DNAI2: variants seen among roughly 807,000 people sequenced by gnomAD.
DNAI2 encodes dynein axonemal intermediate chain 2.
DNAI2 carries 63 observed loss-of-function variants against 74.7 expected under a neutral mutation model. The observed-to-expected ratio is 0.84, with a 90% confidence interval of 0.69 to 1.04. The LOEUF is 1.04. Ranked by LOEUF, DNAI2 falls within the 50% of genes least tolerant of loss-of-function variation. The pLI is 0.00. For synonymous variants in DNAI2, 289 were observed against 314.9 expected, an observed-to-expected ratio of 0.92 and a Z score of 0.87; for missense variants, 688 against 803.2, an observed-to-expected ratio of 0.86 and a Z score of 1.73.
intron 6 of DNAI2, among the ~76,000 whole-genome samples, chr17:74,292,155 A>G (rs1290805493): frequency 6.6e-6 from 1 of 152,182 alleles, no homozygotes; most frequent in African/African-American, 2.4e-5. Flanking sequence ...GTGAGCCACC[A>G]TGCCTGGCCG....
rs533158427 is a variant in DNAI2, at chr17:74,279,800, A to T, written c.-11-2007A>T. Among the ~76,000 whole-genome samples the T allele has an allele frequency of 4.3e-3, 654 of 152,306 alleles. 2 individuals carry two copies. The highest frequency in any genetic ancestry group is 0.015 in the African/African-American group (607 of 41,554). On this transcript the variant is annotated intron_variant, in intron 1 of 13. Transcript: ENST00000311014. ...GGCCTCGGCCACCCAAAGTGCTGGGATTATAGGCATGAGCCACAATGCCCG... is the reference window on the plus strand; with the variant it reads ...GGCCTCGGCCACCCAAAGTGCTGGGTTTATAGGCATGAGCCACAATGCCCG...
intron 6 of DNAI2, among the ~76,000 whole-genome samples, chr17:74,295,714 A>G (rs981576206): frequency 1.3e-5 from 2 of 152,122 alleles, no homozygotes; most frequent in East Asian, 3.8e-4. Flanking sequence ...TCAGATTGAC[A>G]TACCTCCCAG....
chr17:74,282,127 T>A, intron 2 of DNAI2, 127 bp downstream of exon 2: 1 of 1,109,358 alleles, frequency 9.0e-7, no homozygotes, highest in Non-Finnish European at 1.3e-6. Context: ...CAAATGCAGA[T>A]GCTGGAAGTG....
chr17:74,287,538 G>A (rs368886602), intron 4 of DNAI2, among the ~76,000 whole-genome samples: 18 of 152,326 alleles, frequency 1.2e-4, no homozygotes, highest in Non-Finnish European at 2.1e-4. Context: ...CACCGCAGGC[G>A]TGGATATTCA....
chr17:74,303,877 G>T (rs553351066), intron 8 of DNAI2, among the ~76,000 whole-genome samples: 1 of 152,222 alleles, frequency 6.6e-6, no homozygotes, highest in Non-Finnish European at 1.5e-5. Context: ...TGTAATCCCA[G>T]CACTTTGGGA....
At chr17:74,285,592 CA>C (rs34628493) in intron 3 of DNAI2, among the ~76,000 whole-genome samples, 69,051 of 140,574 alleles carry the variant, frequency 0.49, 16,507 homozygotes, top group Non-Finnish European at 0.59. Context: ...CTTGCCAGTG[CA>C]AAAAAAAAAA....
At chr17:74,282,974 T>A (rs2051482202) in intron 2 of DNAI2, among the ~76,000 whole-genome samples, 1 of 152,234 alleles carries the variant, frequency 6.6e-6, no homozygotes, top group Non-Finnish European at 1.5e-5. Flanking sequence ...GTGTAGCCAA[T>A]AAGCAGAATG....
At chr17:74,296,316 A>AGAGAGAGAGAGAGAGAGAGAGAG (rs1357716786) in intron 6 of DNAI2, among the ~76,000 whole-genome samples, 35 of 97,714 alleles carry the variant, frequency 3.6e-4, no homozygotes, top group Non-Finnish European at 7.3e-4. Context: ...CTTTAAAGAG[A>AGAGAGAGAGAGAGAGAGAGAGAG]GAGAGAGAGA....
At position 74,305,435 on chromosome 17, in the gene DNAI2, T is replaced by A; in HGVS notation, c.1204T>A (p.Trp402Arg). The change falls in exon 9 of 14, where the codon TGG becomes AGG. Residue 402 changes from tryptophan to arginine, a missense_variant. Coordinates refer to ENST00000311014, the MANE Select transcript of DNAI2 (RefSeq NM_023036.6). ...AGACAGCCGGGAATCGTCCATCATG[T>A]GGACCAAGTAAGAGGCGATGCTGGG... ...SEDSRESSIM[W>R]TKYHMAYLTD... The A allele has an allele frequency of 6.2e-7, 1 of 1,613,946 alleles. No individual in the cohort carries two copies. Among genetic ancestry groups the A allele is most frequent in the East Asian group, 2.2e-5 (1 of 44,856 alleles).
intron 9 of DNAI2, among the ~76,000 whole-genome samples, chr17:74,309,004 A>G (rs1027169664): frequency 1.3e-5 from 2 of 148,186 alleles, no homozygotes; most frequent in Non-Finnish European, 3.0e-5. Flanking sequence ...CAGAGATTGC[A>G]GTGAGCCGAC....
At chr17:74,309,162 G>A in intron 9 of DNAI2, 91 bp from the exon 10 acceptor site, 2 of 1,448,228 alleles carry the variant, frequency 1.4e-6, no homozygotes, top group Non-Finnish European at 1.9e-6. Flanking sequence ...GCAAGACTCT[G>A]AGATCCTGGA....
At chr17:74,304,956 A>G (rs538077256) in intron 8 of DNAI2, among the ~76,000 whole-genome samples, 144 of 152,258 alleles carry the variant, frequency 9.5e-4, no homozygotes, top group African/African-American at 3.2e-3. Flanking sequence ...GGGGCTAGTG[A>G]CCTGACAACC....
intron 8 of DNAI2, among the ~76,000 whole-genome samples, chr17:74,301,894 G>A (rs866939978): frequency 8.0e-4 from 27 of 33,674 alleles, no homozygotes; most frequent in Non-Finnish European, 1.4e-3. Flanking sequence ...AAGGAAGGAA[G>A]GAAGGAAGGA....
intron 3 of DNAI2, among the ~76,000 whole-genome samples, chr17:74,286,443 C>T (rs959314454): frequency 2.0e-5 from 3 of 151,920 alleles, no homozygotes; most frequent in Non-Finnish European, 4.4e-5. Flanking sequence ...GTTGTTGAGA[C>T]AGAGTCTCAT....
chr17:74,305,937 G>A (rs767546069), intron 9 of DNAI2, among the ~76,000 whole-genome samples: 7 of 152,150 alleles, frequency 4.6e-5, no homozygotes, highest in South Asian at 2.1e-4. Flanking sequence ...CTCCCAAAGC[G>A]TTGGGATTAC....
At chr17:74,313,543 A>G (rs2053653989) in intron 12 of DNAI2, among the ~76,000 whole-genome samples, 1 of 152,160 alleles carries the variant, frequency 6.6e-6, no homozygotes, top group Non-Finnish European at 1.5e-5. Context: ...GGTGGCTGGT[A>G]GGCACCATGC....
chr17:74,314,309 G>A lies in DNAI2; in HGVS notation c.*55+38G>A, dbSNP rs922224868. The A allele has an allele frequency of 3.1e-5, 50 of 1,600,508 alleles. No homozygotes were observed. In the South Asian group the frequency reaches 3.5e-4, roughly 11 times the overall value. On this transcript the variant is annotated intron_variant, in intron 13 of 13. Coordinates refer to ENST00000311014, the MANE Select transcript of DNAI2 (RefSeq NM_023036.6). ...TCTCACAAGTGGGAGGCTGAGCTCCGCCTTAAAGCAGCACTGGGTGGTGGG... is the reference window on the plus strand; with the variant it reads ...TCTCACAAGTGGGAGGCTGAGCTCCACCTTAAAGCAGCACTGGGTGGTGGG...
chr17:74,305,047 G>C (rs8067840), intron 8 of DNAI2, among the ~76,000 whole-genome samples, 172 bp from the exon 9 acceptor site: 2 of 152,096 alleles, frequency 1.3e-5, no homozygotes, highest in Non-Finnish European at 2.9e-5. Context: ...GGTCTGAGGA[G>C]CCCGGGAAGA....
chr17:74,302,330 G>A (rs1465111834), intron 8 of DNAI2, among the ~76,000 whole-genome samples: 1 of 152,210 alleles, frequency 6.6e-6, no homozygotes, highest in Non-Finnish European at 1.5e-5. Context: ...CACTTTGGGA[G>A]GCCAAGGCGG....
Sources: allele counts gnomAD v4.1 joint callset (sites outside exome capture counted in the v4.1 genomes callset), GRCh38; gene constraint gnomAD v4.1.1; transcripts MANE v1.5; gene names NCBI Gene and HGNC (gene_info 2026-07-23, HGNC 2026-07-21).